The following CBFA2T3 variants were observed in gnomAD, a reference collection of about 807,000 sequenced individuals.
The protein encoded by CBFA2T3 is transcriptional corepressor CBFA2T3.
CBFA2T3 carries 31 observed loss-of-function variants against 58.6 expected under a neutral mutation model. The ratio of observed to expected loss-of-function variants is 0.53; its 90% CI spans 0.40 to 0.71. The LOEUF (loss-of-function observed/expected upper bound fraction) is 0.71. Ranked by LOEUF, CBFA2T3 falls within the 30% of genes least tolerant of loss-of-function variation. The pLI, the probability that CBFA2T3 is intolerant of heterozygous loss-of-function variation, is 0.00. For synonymous variants in CBFA2T3, 531 were observed against 421.9 expected, an observed-to-expected ratio of 1.26 and a Z score of -3.17; for missense variants, 1,076 against 963.1, an observed-to-expected ratio of 1.12 and a Z score of -1.55.
chr16:88,883,424 C>G (rs1969216994), intron 7 of CBFA2T3: 1 of 155,076 alleles, frequency 6.4e-6, no homozygotes, highest in African/African-American at 2.4e-5. Context: ...TCGGAACACG[C>G]TGGCTCTGAG....
At chr16:88,962,572 C>T (rs1244451758) in intron 1 of CBFA2T3, among the ~76,000 whole-genome samples, 1 of 152,138 alleles carries the variant, frequency 6.6e-6, no homozygotes. Flanking sequence ...CCTGAGGGCA[C>T]GTGGTGGGGC....
rs1971431916 is a variant in CBFA2T3, at chr16:88,934,517, G to C, written c.152-32861C>G. On this transcript the variant is annotated intron_variant, in intron 1 of 11. Coordinates refer to ENST00000268679, the MANE Select transcript of CBFA2T3 (RefSeq NM_005187.6). ...CCGGCACGGCCGGCACCATCGGGGGGCGACAGGCGAGGCTCCATCTTCCCT... is the reference window on the plus strand; with the variant it reads ...CCGGCACGGCCGGCACCATCGGGGGCCGACAGGCGAGGCTCCATCTTCCCT... Among the ~76,000 whole-genome samples the C allele has an allele frequency of 3.3e-5, 5 of 152,340 alleles. No homozygotes were observed. The South Asian group carries it at 1.0e-3, about 32-fold the overall frequency.
At chr16:88,942,288 C>G (rs1279354649) in intron 1 of CBFA2T3, among the ~76,000 whole-genome samples, 1 of 152,148 alleles carries the variant, frequency 6.6e-6, no homozygotes, top group East Asian at 1.9e-4. Flanking sequence ...GTTTCCTGCC[C>G]CAACGCACAC....
At chr16:88,941,475 G>C (rs1218325846) in intron 1 of CBFA2T3, among the ~76,000 whole-genome samples, 1 of 148,228 alleles carries the variant, frequency 6.7e-6, no homozygotes, top group East Asian at 2.0e-4. Flanking sequence ...CGCCGGCCTG[G>C]AGAGGGGCTC....
intron 1 of CBFA2T3, among the ~76,000 whole-genome samples, chr16:88,928,423 C>T (rs902975772): frequency 2.0e-5 from 3 of 152,186 alleles, no homozygotes; most frequent in Admixed American, 1.3e-4. Flanking sequence ...CAGCTGCCCC[C>T]ACACAGGCGA....
At chr16:88,970,017 C>T (rs767742363) in intron 1 of CBFA2T3, among the ~76,000 whole-genome samples, 11 of 152,218 alleles carry the variant, frequency 7.2e-5, no homozygotes, top group Non-Finnish European at 1.6e-4. Flanking sequence ...ACTTGGGGCC[C>T]TCACCCCAGG....
Position 88,932,621 on chromosome 16 carries a change from T to C in CBFA2T3, c.152-30965A>G, listed in dbSNP as rs1971349247. 4.0e-5 allele frequency among the ~76,000 whole-genome samples: 6 copies of C among 151,214 alleles called. 1 individual carries two copies. The Middle Eastern group carries it at 0.017, about 429-fold the overall frequency. On this transcript the variant is annotated intron_variant, in intron 1 of 11. Transcript: ENST00000268679. ...ATGATCGCACCACTGCATTCCAGCCTGAGCGATAGAGGGAGACCCCGACTA... is the reference window on the plus strand; with the variant it reads ...ATGATCGCACCACTGCATTCCAGCCCGAGCGATAGAGGGAGACCCCGACTA...
chr16:88,895,904 T>C (rs1969870688), intron 3 of CBFA2T3, among the ~76,000 whole-genome samples: 1 of 152,092 alleles, frequency 6.6e-6, no homozygotes, highest in Admixed American at 6.5e-5. Flanking sequence ...GTTTCTTCAT[T>C]TGCAAATGGC....
In CBFA2T3 at chr16:88,976,661, G is replaced by A. The variant is rs1024770439; in HGVS notation, c.147C>T (p.Gly49=). ...CSAPRGPRKG[G]PAPVDRKAKA... ...CCTTCCCCTCGAGCCTCTTACCTGG[G>A]CCGCCCTTCCTGGGACCCCGGGGTG... The change falls in exon 1 of 12, where the codon GGC becomes GGT. Residue 49 remains glycine (G), a synonymous_variant. Transcript: ENST00000268679. 2 of 1,560,106 alleles carry A rather than the reference G, an allele frequency of 1.3e-6. No individual in the cohort carries two copies. The highest frequency in any genetic ancestry group is 4.8e-5 in the East Asian group (2 of 41,652).
intron 1 of CBFA2T3, among the ~76,000 whole-genome samples, chr16:88,903,515 C>T (rs1202161628): frequency 2.6e-5 from 4 of 152,186 alleles, no homozygotes; most frequent in South Asian, 2.1e-4. Context: ...CCCGCCTGTC[C>T]GGAGGCTGAT....
chr16:88,918,514 C>T (rs1478404912), intron 1 of CBFA2T3, among the ~76,000 whole-genome samples: 1 of 152,252 alleles, frequency 6.6e-6, no homozygotes, highest in East Asian at 1.9e-4. Context: ...CTCCAGAGCC[C>T]ACACGGTTAC....
chr16:88,912,956 C>T (rs1052486120), intron 1 of CBFA2T3, among the ~76,000 whole-genome samples: 7 of 152,214 alleles, frequency 4.6e-5, no homozygotes, highest in Admixed American at 2.0e-4. Flanking sequence ...CAGGGAATGC[C>T]GGTCATGGCT....
intron 1 of CBFA2T3, among the ~76,000 whole-genome samples, chr16:88,916,237 T>G (rs1025123582): frequency 4.2e-5 from 6 of 144,382 alleles, no homozygotes; most frequent in African/African-American, 1.6e-4. Flanking sequence ...GGTGTGTGTA[T>G]TCATGTGTGT....
rs568050028 is a variant in CBFA2T3 at position 88,898,240 on chromosome 16, A to G, written c.305-88T>C. ...GGGGCGCCCGCGGCCACCTTTTCCT[A>G]CTTCTCAGAGTGATTTTTGGTGGGG... On this transcript the variant is annotated intron_variant, in intron 2 of 11. Transcript: ENST00000268679. 1.2e-4 allele frequency: 120 copies of G among 1,005,494 alleles called. No homozygotes were observed. The African/African-American group carries it at 1.8e-3, about 15-fold the overall frequency. The allele number at this position is 1,005,494 out of a possible 1,614,324, so 62.3% of individuals were successfully genotyped here. A position where few individuals can be genotyped will look rare whatever the true frequency, so the allele number is the denominator to read the frequency against.
rs143816952 is a variant in CBFA2T3, at chr16:88,898,442, G to A, written c.305-290C>T. Reference sequence around the variant, plus strand: ...GGGGCTCTGTCACCACCTGGGGCCAGGCCACTCCCCTCTCCGAGCCTCAGT... The same window carrying A: ...GGGGCTCTGTCACCACCTGGGGCCAAGCCACTCCCCTCTCCGAGCCTCAGT... On this transcript the variant is annotated intron_variant, in intron 2 of 11. Transcript: ENST00000268679. Among the ~76,000 whole-genome samples the A allele has an allele frequency of 4.8e-3, 738 of 152,362 alleles. 5 individuals carry two copies. The highest frequency in any genetic ancestry group is 0.017 in the African/African-American group (705 of 41,586).
intron 5 of CBFA2T3, among the ~76,000 whole-genome samples, chr16:88,888,407 G>A (rs1969468182): frequency 8.2e-6 from 1 of 121,394 alleles, no homozygotes; most frequent in Admixed American, 8.5e-5. Context: ...TGTCTGGCCT[G>A]GGAAGGTCGG....
At chr16:88,918,392 G>A (rs1190933849) in intron 1 of CBFA2T3, among the ~76,000 whole-genome samples, 3 of 152,162 alleles carry the variant, frequency 2.0e-5, no homozygotes, top group South Asian at 4.1e-4. Context: ...TGCCTTCGCA[G>A]TGTGGGCTGT....
intron 1 of CBFA2T3, among the ~76,000 whole-genome samples, chr16:88,969,737 C>A (rs964174155): frequency 4.6e-5 from 7 of 152,160 alleles, no homozygotes; most frequent in Admixed American, 4.6e-4. Context: ...TGCCAGGGTG[C>A]GAGTGGCAGG....
At chr16:88,912,753 G>A (rs1036355266) in intron 1 of CBFA2T3, among the ~76,000 whole-genome samples, 1 of 152,222 alleles carries the variant, frequency 6.6e-6, no homozygotes, top group Non-Finnish European at 1.5e-5. Context: ...TGGCAGCCCT[G>A]TCCTCTGCAG....
Sources: gnomAD v4.1 joint callset for allele counts (sites outside exome capture counted in the v4.1 genomes callset) on GRCh38, gnomAD v4.1.1 for gene constraint, MANE v1.5 for transcripts, NCBI Gene and HGNC (gene_info 2026-07-23, HGNC 2026-07-21) for gene names.